Variants in HSDL2 observed in about 807,000 individuals in gnomAD.
The protein encoded by HSDL2 is hydroxysteroid dehydrogenase like 2, also known as hydroxysteroid dehydrogenase-like protein 2.
Under a neutral mutation model 46.3 loss-of-function variants are expected in HSDL2, and 27 were observed. The ratio of observed to expected loss-of-function variants is 0.58; its 90% CI spans 0.43 to 0.80. HSDL2 has a LOEUF of 0.80. Among genes scored for constraint, HSDL2 ranks in the 30% least tolerant of loss-of-function variants. The pLI, the probability that HSDL2 is intolerant of heterozygous loss-of-function variation, is 0.00. For missense variants in HSDL2, 451 were observed against 502.7 expected (o/e 0.90, Z 0.98); for synonymous variants, 153 against 163.6 (o/e 0.94, Z 0.50).
intron 8 of HSDL2, among the ~76,000 whole-genome samples, chr9:112,447,083 G>A (rs1173935508): frequency 5.9e-5 from 9 of 152,164 alleles, no homozygotes; most frequent in Non-Finnish European, 8.8e-5. Context: ...TTGTGTATCA[G>A]TCTAGGTGAT....
Position 112,470,750 on chromosome 9 carries a change from A to G in HSDL2, c.*206A>G, listed in dbSNP as rs924886267. The G allele has an allele frequency of 4.2e-5, 17 of 400,600 alleles. No individual in the cohort carries two copies. Among genetic ancestry groups the G allele is most frequent in the Non-Finnish European group, 7.1e-5 (16 of 224,176 alleles). 24.8% of individuals were successfully genotyped at this position (400,600 alleles called of 1,614,324 possible). On this transcript the variant is annotated 3_prime_UTR_variant, in exon 11 of 11. Transcript: ENST00000398805. ...CATAAGCTTCATTAAGTGGGATTCT[A>G]AGACAGTCTGTGTTTTTATATTTCA...
chr9:112,444,841 T>G (rs1009582084), intron 8 of HSDL2, among the ~76,000 whole-genome samples: 14 of 150,662 alleles, frequency 9.3e-5, no homozygotes, highest in Non-Finnish European at 1.8e-4. Context: ...CTTGTTTTTT[T>G]TTTTTTTTTT....
intron 6 of HSDL2, among the ~76,000 whole-genome samples, chr9:112,423,757 C>T (rs1233593024): frequency 6.6e-6 from 1 of 151,868 alleles, no homozygotes; most frequent in Non-Finnish European, 1.5e-5. Flanking sequence ...ACTCTGTCGC[C>T]CAGGCTGGAG....
At chr9:112,460,619 C>T (rs568566738) in intron 10 of HSDL2, among the ~76,000 whole-genome samples, 5 of 152,078 alleles carry the variant, frequency 3.3e-5, no homozygotes, top group Admixed American at 1.3e-4. Context: ...TGTGCTGGTG[C>T]GCACCTGTAG....
At chr9:112,381,295 T>G (rs924910973) in intron 1 of HSDL2, among the ~76,000 whole-genome samples, 1 of 152,164 alleles carries the variant, frequency 6.6e-6, no homozygotes, top group Non-Finnish European at 1.5e-5. Context: ...TCTGGAGTAT[T>G]TAGGATTACA....
chr9:112,447,845 A>T (rs1237047279), intron 8 of HSDL2, among the ~76,000 whole-genome samples: 2 of 152,218 alleles, frequency 1.3e-5, no homozygotes, highest in African/African-American at 4.8e-5. Flanking sequence ...TTCTGGAACA[A>T]GCCAAGTTAA....
At chr9:112,445,862 C>T (rs1003316262) in intron 8 of HSDL2, among the ~76,000 whole-genome samples, 6 of 152,002 alleles carry the variant, frequency 3.9e-5, no homozygotes, top group African/African-American at 9.7e-5. Flanking sequence ...GTTTTAGATT[C>T]ACAGCAAAAC....
At chr9:112,412,569 G>A (rs966062484) in intron 4 of HSDL2, among the ~76,000 whole-genome samples, 2 of 152,162 alleles carry the variant, frequency 1.3e-5, no homozygotes, top group Non-Finnish European at 2.9e-5. Context: ...TACAAGTAAA[G>A]CATTGAATTT....
At chr9:112,418,141 GT>G (rs1303839149) in intron 5 of HSDL2, among the ~76,000 whole-genome samples, 3 of 145,340 alleles carry the variant, frequency 2.1e-5, no homozygotes, top group Non-Finnish European at 3.0e-5. Context: ...AAAAATGAAA[GT>G]TTATTACTGT....
chr9:112,399,475 C>T (rs536625023), intron 1 of HSDL2, among the ~76,000 whole-genome samples: 19 of 152,242 alleles, frequency 1.2e-4, no homozygotes, highest in Non-Finnish European at 2.2e-4. Flanking sequence ...AAACAGGGTT[C>T]GAGAGCAGAG....
intron 10 of HSDL2, among the ~76,000 whole-genome samples, chr9:112,466,827 T>C (rs1833405304): frequency 6.6e-6 from 1 of 152,224 alleles, no homozygotes; most frequent in Non-Finnish European, 1.5e-5. Flanking sequence ...TTTAGGTTTA[T>C]GATCCATTTT....
chr9:112,404,009 G>A lies in HSDL2; in HGVS notation c.32G>A (p.Cys11Tyr), dbSNP rs535662243. Reference protein sequence around the residue: MLPNTGRLAGCTVFITGASRG... With the variant: MLPNTGRLAGYTVFITGASRG... Reference sequence around the variant, plus strand: ...TTCTGTTGTAGGAGGCTGGCAGGATGTACAGTTTTTATCACAGGTGCAAGC... The same window carrying A: ...TTCTGTTGTAGGAGGCTGGCAGGATATACAGTTTTTATCACAGGTGCAAGC... Residue 11 changes from cysteine to tyrosine, a missense_variant, in exon 2 of 11, where the codon TGT becomes TAT. By Grantham distance (194) the Cys-to-Tyr change is radical. Coordinates refer to ENST00000398805, the MANE Select transcript of HSDL2 (RefSeq NM_032303.5). The A allele has an allele frequency of 1.2e-6, 2 of 1,614,084 alleles. No homozygotes were observed. The highest frequency in any genetic ancestry group is 1.1e-5 in the South Asian group (1 of 91,074).
rs1832260022 is a variant in HSDL2 at position 112,426,925 on chromosome 9, A to C, written c.598+7967A>C. Among the ~76,000 whole-genome samples the C allele has an allele frequency of 1.3e-5, 2 of 152,180 alleles. 1 individual carries two copies. Among genetic ancestry groups the C allele is most frequent in the Non-Finnish European group, 2.9e-5 (2 of 68,024 alleles). On this transcript the variant is annotated intron_variant, in intron 6 of 10. Coordinates refer to ENST00000398805, the MANE Select transcript of HSDL2 (RefSeq NM_032303.5). ...ATACAAGTAGGGAGAGTAGTACATC[A>C]CGTACTATTCCGCTTCAGCGATTTC...
At chr9:112,451,397 T>G (rs1384474219) in intron 8 of HSDL2, among the ~76,000 whole-genome samples, 1 of 152,228 alleles carries the variant, frequency 6.6e-6, no homozygotes, top group Non-Finnish European at 1.5e-5. Flanking sequence ...GGGGAATACC[T>G]TTTTCAAATT....
At chr9:112,393,343 C>T (rs1017494490) in intron 1 of HSDL2, among the ~76,000 whole-genome samples, 57 of 152,218 alleles carry the variant, frequency 3.7e-4, no homozygotes, top group African/African-American at 9.4e-4. Context: ...TCATCAGTCT[C>T]ATTGTAGGAA....
At chr9:112,458,103 GTTT>G (rs10603358) in intron 9 of HSDL2, among the ~76,000 whole-genome samples, 1 of 151,110 alleles carries the variant, frequency 6.6e-6, no homozygotes, top group South Asian at 2.1e-4. Flanking sequence ...TAGTGCCACT[GTTT>G]TTTTTTTTCA....
chr9:112,407,417 C>CTT (rs149237565), intron 3 of HSDL2, among the ~76,000 whole-genome samples: 3 of 149,832 alleles, frequency 2.0e-5, no homozygotes, highest in Non-Finnish European at 1.5e-5. Context: ...AGTTTTAGTT[C>CTT]TTTTTTTTTT....
intron 10 of HSDL2, among the ~76,000 whole-genome samples, chr9:112,466,536 CAG>C (rs1833389092): frequency 8.4e-6 from 1 of 118,860 alleles, no homozygotes; most frequent in South Asian, 3.3e-4. Context: ...CTGGGTGACA[CAG>C]AGACTGTCTC....
At chr9:112,396,089 T>A (rs1327611224) in intron 1 of HSDL2, among the ~76,000 whole-genome samples, 1 of 152,208 alleles carries the variant, frequency 6.6e-6, no homozygotes, top group East Asian at 1.9e-4. Context: ...TGTTTTCCAT[T>A]ATATGTTGAC....
Sources: allele counts gnomAD v4.1 joint callset (sites outside exome capture counted in the v4.1 genomes callset), GRCh38; gene constraint gnomAD v4.1.1; transcripts MANE v1.5; gene names NCBI Gene and HGNC (gene_info 2026-07-23, HGNC 2026-07-21).